The following SPATA17 variants were observed in gnomAD, a reference collection of about 807,000 sequenced individuals.
The protein encoded by SPATA17 is spermatogenesis-associated protein 17.
SPATA17 carries 53 observed loss-of-function variants against 62.2 expected under a neutral mutation model. That is an observed-to-expected ratio of 0.85 (90% confidence interval 0.68 to 1.07). The LOEUF (loss-of-function observed/expected upper bound fraction) is 1.07, where lower values mean the gene tolerates loss of function less well. Ranked by LOEUF, SPATA17 falls within the 50% of genes least tolerant of loss-of-function variation. The pLI is 0.00. For synonymous variants in SPATA17, 146 were observed against 146.8 expected, an observed-to-expected ratio of 0.99 and a Z score of 0.04; for missense variants, 466 against 425.5, an observed-to-expected ratio of 1.10 and a Z score of -0.84.
Position 217,648,878 on chromosome 1 carries a change from T to G in SPATA17, c.69-4T>G. The G allele has an allele frequency of 6.3e-7, 1 of 1,588,678 alleles. No homozygotes were observed. Among genetic ancestry groups the G allele is most frequent in the Non-Finnish European group, 8.6e-7 (1 of 1,168,976 alleles). On this transcript the variant is annotated splice_region_variant and splice_polypyrimidine_tract_variant and intron_variant, in intron 1 of 10. Coordinates refer to ENST00000366933, the MANE Select transcript of SPATA17 (RefSeq NM_138796.4). ...TGAAGTGCTTTTTAAACATTTTGTT[T>G]TAGTGTTGTAGATCCATTTAGAAAA...
At chr1:217,811,892 T>C (rs1674600255) in intron 9 of SPATA17, among the ~76,000 whole-genome samples, 1 of 152,194 alleles carries the variant, frequency 6.6e-6, no homozygotes, top group African/African-American at 2.4e-5. Context: ...TTTATAAAAC[T>C]TTGTTTCTTG....
At chr1:217,650,125 G>A (rs1670276418) in intron 2 of SPATA17, among the ~76,000 whole-genome samples, 1 of 151,654 alleles carries the variant, frequency 6.6e-6, no homozygotes, top group East Asian at 1.9e-4. Flanking sequence ...ATTTAGTAGA[G>A]GCGGGGTTTC....
chr1:217,638,373 G>T (rs1558547008), intron 1 of SPATA17, among the ~76,000 whole-genome samples: 1 of 152,108 alleles, frequency 6.6e-6, no homozygotes, highest in African/African-American at 2.4e-5. Context: ...TAGATGTGCT[G>T]CTGGAATACA....
At chr1:217,796,241 T>A (rs1674149634) in intron 8 of SPATA17, among the ~76,000 whole-genome samples, 1 of 152,160 alleles carries the variant, frequency 6.6e-6, no homozygotes, top group Non-Finnish European at 1.5e-5. Flanking sequence ...TTAACTTTAG[T>A]ATCTTTTAGC....
At chr1:217,646,311 A>G (rs1047444724) in intron 1 of SPATA17, among the ~76,000 whole-genome samples, 1 of 152,126 alleles carries the variant, frequency 6.6e-6, no homozygotes, top group African/African-American at 2.4e-5. Context: ...TCAAAGTCCA[A>G]ACTGTTTCCT....
chr1:217,674,459 C>T (rs1670901238), intron 4 of SPATA17, among the ~76,000 whole-genome samples: 1 of 152,206 alleles, frequency 6.6e-6, no homozygotes, highest in Non-Finnish European at 1.5e-5. Flanking sequence ...GCTCCAGCTG[C>T]TGGCTGCTGC....
chr1:217,686,461 TA>T (rs2102908631), intron 5 of SPATA17, among the ~76,000 whole-genome samples: 1 of 152,286 alleles, frequency 6.6e-6, no homozygotes, highest in South Asian at 2.1e-4. Context: ...TTTGCTTATT[TA>T]AATACTTCTC....
At position 217,806,024 on chromosome 1, in the gene SPATA17, G is replaced by A. The variant is rs568182029; in HGVS notation, c.1005+4174G>A. Among the ~76,000 whole-genome samples, 4 of 152,240 alleles carry A rather than the reference G, an allele frequency of 2.6e-5. No individual in the cohort carries two copies. In the South Asian group the frequency reaches 8.3e-4, roughly 32 times the overall value. On this transcript the variant is annotated intron_variant, in intron 9 of 10. Transcript: ENST00000366933. Reference sequence around the variant, plus strand: ...AAACTTCCTGTGTAGCTGTGAACCTGTGAAACCAGACAAGTTACGTGCTTC... The same window carrying A: ...AAACTTCCTGTGTAGCTGTGAACCTATGAAACCAGACAAGTTACGTGCTTC...
At chr1:217,662,104 T>C (rs1177599762) in intron 3 of SPATA17, among the ~76,000 whole-genome samples, 1 of 152,194 alleles carries the variant, frequency 6.6e-6, no homozygotes, top group Admixed American at 6.5e-5. Context: ...AAAAACTAAA[T>C]TGGATGGCTT....
chr1:217,869,674 T>A lies in SPATA17; in HGVS notation c.*2655T>A, dbSNP rs1051966829. The A allele has an allele frequency of 6.6e-6, 1 of 152,104 alleles. No individual in the cohort carries two copies. Among genetic ancestry groups the A allele is most frequent in the African/African-American group, 2.4e-5 (1 of 41,420 alleles). The allele number at this position is 152,104 out of a possible 1,614,324, so 9.4% of individuals were successfully genotyped here. A position where few individuals can be genotyped will look rare whatever the true frequency, so the allele number is the denominator to read the frequency against. ...GCTATGAAAAATCTTAAGATCTCTA[T>A]TTTAATGTTAATGCTGGTCACTGGT... On this transcript the variant is annotated 3_prime_UTR_variant, in exon 11 of 11. Transcript: ENST00000366933.
chr1:217,829,951 G>T (rs1346679592), intron 9 of SPATA17, among the ~76,000 whole-genome samples: 1 of 151,862 alleles, frequency 6.6e-6, no homozygotes. Flanking sequence ...AAAAGTAACT[G>T]TCAGATGAGA....
At chr1:217,651,246 C>T in intron 3 of SPATA17, 68 bp downstream of exon 3, 2 of 1,257,582 alleles carry the variant, frequency 1.6e-6, no homozygotes, top group Non-Finnish European at 2.2e-6. Context: ...TCACTTTAGT[C>T]ATATTTCCAT....
intron 9 of SPATA17, among the ~76,000 whole-genome samples, chr1:217,855,964 T>A (rs554651301): frequency 5.3e-5 from 8 of 152,066 alleles, no homozygotes; most frequent in African/African-American, 1.9e-4. Context: ...TGACCTCGTG[T>A]TCTGCCCCCC....
chr1:217,844,647 A>T (rs1263086171), intron 9 of SPATA17, among the ~76,000 whole-genome samples: 1 of 152,056 alleles, frequency 6.6e-6, no homozygotes, highest in East Asian at 1.9e-4. Flanking sequence ...TATCACATTA[A>T]CTCTGGAATT....
intron 8 of SPATA17, among the ~76,000 whole-genome samples, chr1:217,787,718 T>A (rs999047115): frequency 6.6e-6 from 1 of 152,206 alleles, no homozygotes; most frequent in Non-Finnish European, 1.5e-5. Flanking sequence ...TGGTTACATG[T>A]GCAATTATTA....
intron 7 of SPATA17, among the ~76,000 whole-genome samples, chr1:217,781,795 T>G (rs1297889157): frequency 6.6e-6 from 1 of 152,192 alleles, no homozygotes; most frequent in Non-Finnish European, 1.5e-5. Context: ...TTAGAATTTT[T>G]TCCTAATATT....
intron 6 of SPATA17, among the ~76,000 whole-genome samples, chr1:217,743,704 G>C (rs908608545): frequency 1.3e-5 from 2 of 151,884 alleles, no homozygotes; most frequent in African/African-American, 4.8e-5. Flanking sequence ...ACACCTCCTG[G>C]GTTCAAGCAA....
chr1:217,775,797 C>T (rs1673575843), intron 7 of SPATA17, among the ~76,000 whole-genome samples: 1 of 151,766 alleles, frequency 6.6e-6, no homozygotes, highest in Non-Finnish European at 1.5e-5. Flanking sequence ...TTTTGCAACT[C>T]TAATTTTAAA....
At chr1:217,799,450 AGTTT>A (rs1325587936) in intron 8 of SPATA17, among the ~76,000 whole-genome samples, 3 of 152,120 alleles carry the variant, frequency 2.0e-5, no homozygotes, top group Non-Finnish European at 4.4e-5. Context: ...GGGCCACATT[AGTTT>A]GTTTGTGTGT....
Sources: allele counts gnomAD v4.1 joint callset (sites outside exome capture counted in the v4.1 genomes callset), GRCh38; gene constraint gnomAD v4.1.1; transcripts MANE v1.5; gene names NCBI Gene and HGNC (gene_info 2026-07-23, HGNC 2026-07-21).